Variants in KCNG2 observed in about 807,000 individuals in gnomAD.
The protein encoded by KCNG2 is potassium voltage-gated channel modifier subfamily G member 2.
In KCNG2, 7 loss-of-function variants were observed where a neutral mutation model predicts 12.3. The observed-to-expected ratio is 0.57, with a 90% confidence interval of 0.32 to 1.07. The LOEUF is 1.07. KCNG2 is among the 50% of genes least tolerant of loss of function. The pLI is 0.04. For missense variants in KCNG2, 703 were observed against 726.0 expected (o/e 0.97, Z 0.36); for synonymous variants, 414 against 351.4 (o/e 1.18, Z -1.99).
chr18:79,875,572 A>G (rs62103233), intron 3 of KCNG2, among the ~76,000 whole-genome samples: 40,121 of 152,078 alleles, frequency 0.26, 5,536 homozygotes, highest in East Asian at 0.41. Context: ...ACAATGGGGA[A>G]GAAAGAGATC....
chr18:79,870,565 C>T (rs1979789604), intron 3 of KCNG2, among the ~76,000 whole-genome samples: 3 of 152,346 alleles, frequency 2.0e-5, no homozygotes, highest in Middle Eastern at 6.8e-3. Context: ...CCAGGACAGA[C>T]TGTGCATCTG....
chr18:79,880,716 G>A (rs1054655232), intron 3 of KCNG2, among the ~76,000 whole-genome samples: 25 of 152,232 alleles, frequency 1.6e-4, no homozygotes, highest in Admixed American at 6.5e-4. Context: ...TCAGTAAATC[G>A]GGGTTGGTAA....
At chr18:79,834,569 A>G (rs963607177) in intron 1 of KCNG2, among the ~76,000 whole-genome samples, 1 of 152,256 alleles carries the variant, frequency 6.6e-6, no homozygotes, top group Non-Finnish European at 1.5e-5. Flanking sequence ...AGCCCACGCT[A>G]TTTAATGGTA....
intron 2 of KCNG2, among the ~76,000 whole-genome samples, chr18:79,857,715 C>T (rs905933557): frequency 3.9e-5 from 5 of 128,376 alleles, no homozygotes; most frequent in African/African-American, 1.5e-4. Flanking sequence ...ATGAGGCTTG[C>T]GTGTTACTGG....
intron 1 of KCNG2, among the ~76,000 whole-genome samples, chr18:79,842,022 A>G (rs537897234): frequency 6.6e-6 from 1 of 152,296 alleles, no homozygotes; most frequent in African/African-American, 2.4e-5. Context: ...GTGAACCTTG[A>G]TGCCAGGCTG....
chr18:79,818,800 G>A (rs564464160), intron 1 of KCNG2, among the ~76,000 whole-genome samples: 3 of 152,294 alleles, frequency 2.0e-5, no homozygotes, highest in South Asian at 2.1e-4. Flanking sequence ...GGGGCTTTGG[G>A]GCTGCTTTAG....
At chr18:79,837,076 A>G (rs1357760619) in intron 1 of KCNG2, among the ~76,000 whole-genome samples, 1 of 152,226 alleles carries the variant, frequency 6.6e-6, no homozygotes, top group Non-Finnish European at 1.5e-5. Context: ...AGCAAGTTAG[A>G]TACTTCCAAG....
At chr18:79,894,261 G>A (rs1044369259) in intron 3 of KCNG2, among the ~76,000 whole-genome samples, 2 of 146,228 alleles carry the variant, frequency 1.4e-5, no homozygotes, top group African/African-American at 2.5e-5. Context: ...CTGGGTCTGC[G>A]TCTCGTTCGA....
At chr18:79,832,742 C>T (rs1978303135) in intron 1 of KCNG2, among the ~76,000 whole-genome samples, 2 of 152,246 alleles carry the variant, frequency 1.3e-5, no homozygotes, top group Non-Finnish European at 2.9e-5. Context: ...ACTTTTCCAG[C>T]CTGTATGGCA....
At chr18:79,851,120 C>T (rs762069659) in intron 1 of KCNG2, among the ~76,000 whole-genome samples, 8 of 152,138 alleles carry the variant, frequency 5.3e-5, no homozygotes, top group South Asian at 2.1e-4. Flanking sequence ...CAGAGCAGGA[C>T]GTTCCCGAGA....
intron 2 of KCNG2, among the ~76,000 whole-genome samples, chr18:79,863,050 T>C (rs987292531): frequency 1.3e-5 from 2 of 152,202 alleles, no homozygotes. Flanking sequence ...TCCAAAAAAG[T>C]TGACTCTTGA....
At chr18:79,844,218 G>C (rs1251233788) in intron 1 of KCNG2, among the ~76,000 whole-genome samples, 1 of 152,120 alleles carries the variant, frequency 6.6e-6, no homozygotes, top group African/African-American at 2.4e-5. Flanking sequence ...TATACACACA[G>C]AGACACACAC....
At chr18:79,863,560 T>G in intron 2 of KCNG2, 68 bp from the exon 3 acceptor site, 6 of 1,106,422 alleles carry the variant, frequency 5.4e-6, no homozygotes, top group Non-Finnish European at 6.7e-6. Context: ...GGCCCCTGGA[T>G]CCCCGCGGGC....
intron 1 of KCNG2, among the ~76,000 whole-genome samples, chr18:79,842,039 G>A (rs1978475260): frequency 6.6e-6 from 1 of 152,172 alleles, no homozygotes; most frequent in South Asian, 2.1e-4. Flanking sequence ...GCTGGCCCCT[G>A]CAGACCCAGG....
At chr18:79,799,594 G>A (rs1434403397) in intron 1 of KCNG2, among the ~76,000 whole-genome samples, 1 of 152,250 alleles carries the variant, frequency 6.6e-6, no homozygotes, top group Non-Finnish European at 1.5e-5. Context: ...TTCCAGGTCT[G>A]TCCAAGGCCA....
chr18:79,877,001 C>T (rs142272084), intron 3 of KCNG2, among the ~76,000 whole-genome samples: 2,095 of 152,362 alleles, frequency 0.014, 31 homozygotes, highest in Non-Finnish European at 0.021. Flanking sequence ...GGAAATCGAA[C>T]TGACACGTCT....
chr18:79,894,922 G>T (rs1465997823), intron 3 of KCNG2, among the ~76,000 whole-genome samples: 4 of 150,308 alleles, frequency 2.7e-5, no homozygotes, highest in Non-Finnish European at 5.9e-5. Context: ...TGATTGGGTT[G>T]TTCACTCCAT....
chr18:79,845,882 T>G (rs1320375421), intron 1 of KCNG2, among the ~76,000 whole-genome samples: 1 of 119,590 alleles, frequency 8.4e-6, no homozygotes, highest in Non-Finnish European at 1.8e-5. Flanking sequence ...GTCAGGAGAT[T>G]GAGATCATCC....
rs2087575950 is a variant in KCNG2, at chr18:79,822,225, C to T, written c.-115+24211C>T. ...TTCATAGAGGTTCCCATGTCTCCCACCCAGCTTCCTCCAGTGTTGGCAGAA... is the reference window on the plus strand; with the variant it reads ...TTCATAGAGGTTCCCATGTCTCCCATCCAGCTTCCTCCAGTGTTGGCAGAA... On this transcript the variant is annotated intron_variant, in intron 1 of 3. Transcript: ENST00000316249. This position sits in a 1 kb window ranked among gnomAD's most constrained non-coding sequence, Gnocchi z 4.4. Among the ~76,000 whole-genome samples, 1 of 152,140 alleles carries T rather than the reference C, an allele frequency of 6.6e-6. No homozygotes were observed. The highest frequency in any genetic ancestry group is 6.5e-5 in the Admixed American group (1 of 15,272).
Sources: allele counts gnomAD v4.1 joint callset (sites outside exome capture counted in the v4.1 genomes callset), GRCh38; gene constraint gnomAD v4.1.1; non-coding constraint Gnocchi (gnomAD v3.1); transcripts MANE v1.5; gene names NCBI Gene and HGNC (gene_info 2026-07-23, HGNC 2026-07-21).